MTUS2: variants seen among roughly 807,000 people sequenced by gnomAD.
MTUS2 encodes microtubule-associated tumor suppressor candidate 2.
Under a neutral mutation model 114.1 loss-of-function variants are expected in MTUS2, and 40 were observed. The ratio of observed to expected loss-of-function variants is 0.35; its 90% confidence interval spans 0.27 to 0.46. The LOEUF (loss-of-function observed/expected upper bound fraction) is 0.46, where lower values mean the gene tolerates loss of function less well. MTUS2 is among the 20% of genes least tolerant of loss of function. The pLI, the probability that MTUS2 is intolerant of heterozygous loss-of-function variation, is 1.00. For synonymous variants in MTUS2, 688 were observed against 672.0 expected (o/e 1.02, Z -0.37); for missense variants, 1,679 against 1,705.4 (o/e 0.98, Z 0.27).
At chr13:29,365,754 ATGTCACC>A (rs1347991347) in intron 8 of MTUS2, among the ~76,000 whole-genome samples, 1 of 152,098 alleles carries the variant, frequency 6.6e-6, no homozygotes, top group African/African-American at 2.4e-5. Flanking sequence ...GAGGTATGGA[ATGTCACC>A]TGGCCATCCC....
intron 2 of MTUS2, among the ~76,000 whole-genome samples, chr13:28,986,256 G>A (rs1884581521): frequency 6.6e-6 from 1 of 152,122 alleles, no homozygotes; most frequent in Non-Finnish European, 1.5e-5. Context: ...AGATCCATAT[G>A]GAGGTGTCCA....
chr13:29,291,822 A>T (rs893943836), intron 6 of MTUS2, among the ~76,000 whole-genome samples: 3 of 133,730 alleles, frequency 2.2e-5, no homozygotes, highest in Non-Finnish European at 5.2e-5. Context: ...AAGGCAGGAC[A>T]TAGTTGGGAA....
intron 8 of MTUS2, among the ~76,000 whole-genome samples, chr13:29,397,161 T>C (rs1873967747): frequency 6.6e-6 from 1 of 152,156 alleles, no homozygotes; most frequent in South Asian, 2.1e-4. Context: ...ATCCTTGACC[T>C]TCTTAACTCC....
chr13:28,964,614 G>A (rs1883492075), intron 2 of MTUS2, among the ~76,000 whole-genome samples: 1 of 151,462 alleles, frequency 6.6e-6, no homozygotes, highest in Non-Finnish European at 1.5e-5. Context: ...AAGTGACATT[G>A]GGGATAAACA....
At chr13:29,085,672 T>G (rs1270219297) in intron 4 of MTUS2, among the ~76,000 whole-genome samples, 1 of 152,232 alleles carries the variant, frequency 6.6e-6, no homozygotes, top group Non-Finnish European at 1.5e-5. Flanking sequence ...CCACATTTTC[T>G]TTATCCAGTC....
chr13:28,829,447 G>A (rs1874507214), intron 1 of MTUS2, among the ~76,000 whole-genome samples: 2 of 151,972 alleles, frequency 1.3e-5, no homozygotes, highest in African/African-American at 4.8e-5. Flanking sequence ...CAGGAGAATC[G>A]CTTGAACCCG....
intron 2 of MTUS2, among the ~76,000 whole-genome samples, chr13:28,963,652 A>G (rs1418092114): frequency 6.6e-6 from 1 of 152,154 alleles, no homozygotes; most frequent in Non-Finnish European, 1.5e-5. Flanking sequence ...CATCCATTTC[A>G]CACAGTCCCC....
intron 1 of MTUS2, among the ~76,000 whole-genome samples, chr13:28,821,343 A>G (rs568087874): frequency 2.6e-5 from 4 of 152,312 alleles, no homozygotes; most frequent in African/African-American, 9.6e-5. Flanking sequence ...TGGTTTTGTA[A>G]AGTCTATTAG....
chr13:29,278,884 C>G (rs1468912497), intron 5 of MTUS2, among the ~76,000 whole-genome samples: 2 of 152,136 alleles, frequency 1.3e-5, no homozygotes, highest in African/African-American at 4.8e-5. Flanking sequence ...ATCAGATTTA[C>G]CTCAATCCTT....
At chr13:29,303,541 C>T (rs1301641752) in intron 6 of MTUS2, among the ~76,000 whole-genome samples, 1 of 151,986 alleles carries the variant, frequency 6.6e-6, no homozygotes, top group Non-Finnish European at 1.5e-5. Flanking sequence ...AATCTCAGTG[C>T]TTAAAGATTA....
intron 8 of MTUS2, among the ~76,000 whole-genome samples, chr13:29,432,548 G>A (rs1877083532): frequency 6.6e-6 from 1 of 152,114 alleles, no homozygotes; most frequent in Admixed American, 6.5e-5. Context: ...AAGAAGCCTT[G>A]ATGCGAATGG....
intron 4 of MTUS2, among the ~76,000 whole-genome samples, chr13:29,064,487 A>T (rs924183238): frequency 2.0e-5 from 3 of 147,732 alleles, no homozygotes; most frequent in African/African-American, 7.5e-5. Context: ...GACAGTTCTG[A>T]GCGGCACTGT....
At chr13:28,839,923 G>C (rs1875352609) in intron 2 of MTUS2, 73 bp downstream of exon 2, 1 of 145,370 alleles carries the variant, frequency 6.9e-6, no homozygotes, top group Admixed American at 6.8e-5. Flanking sequence ...CTCAAATGTT[G>C]TTTACTTCCT....
intron 3 of MTUS2, among the ~76,000 whole-genome samples, chr13:29,030,479 T>C (rs1886765614): frequency 6.6e-6 from 1 of 152,202 alleles, no homozygotes; most frequent in Admixed American, 6.5e-5. Flanking sequence ...GGCTCATTTC[T>C]GTGGTAACCT....
Position 28,952,155 on chromosome 13 carries a change from A to AAT in MTUS2, c.-242-72295_-242-72294dup, listed in dbSNP as rs1882841920. On this transcript the variant is annotated intron_variant, in intron 2 of 15. Transcript: ENST00000612955. ...ATTTGATACTTTTAGTTACGGAAGTAATATATATTTGCTTTACTAAGTGAA... is the reference window on the plus strand; with the variant it reads ...ATTTGATACTTTTAGTTACGGAAGTAATATATATATTTGCTTTACTAAGTGAA... 2.0e-5 allele frequency among the ~76,000 whole-genome samples: 3 copies of AAT among 152,208 alleles called. No individual in the cohort carries two copies. The South Asian group carries it at 6.2e-4, about 32-fold the overall frequency.
At chr13:29,113,301 G>A (rs1185885060) in intron 5 of MTUS2, among the ~76,000 whole-genome samples, 1 of 152,098 alleles carries the variant, frequency 6.6e-6, no homozygotes, top group Non-Finnish European at 1.5e-5. Context: ...AGCCACTAAG[G>A]GACTCCATGG....
At chr13:29,130,132 G>T (rs1353458713) in intron 5 of MTUS2, among the ~76,000 whole-genome samples, 1 of 152,130 alleles carries the variant, frequency 6.6e-6, no homozygotes, top group African/African-American at 2.4e-5. Flanking sequence ...GTCATGCCTT[G>T]GATATCCTTA....
chr13:28,826,382 A>T (rs1874271851), intron 1 of MTUS2, among the ~76,000 whole-genome samples: 1 of 152,216 alleles, frequency 6.6e-6, no homozygotes. Context: ...GAGAGATTTT[A>T]AAAACAAGAT....
intron 2 of MTUS2, among the ~76,000 whole-genome samples, chr13:28,974,566 C>T (rs1884002496): frequency 6.6e-6 from 1 of 152,200 alleles, no homozygotes; most frequent in Non-Finnish European, 1.5e-5. Flanking sequence ...GAATAATACT[C>T]ATTTGTCTTT....
Sources: gnomAD v4.1 joint callset for allele counts (sites outside exome capture counted in the v4.1 genomes callset) on GRCh38, gnomAD v4.1.1 for gene constraint, MANE v1.5 for transcripts, NCBI Gene and HGNC (gene_info 2026-07-23, HGNC 2026-07-21) for gene names.